Variants in LRRIQ4 observed in about 807,000 individuals in gnomAD.
LRRIQ4 encodes leucine-rich repeat and IQ domain-containing protein 4.
In LRRIQ4, 21 loss-of-function variants were observed where a neutral mutation model predicts 40.1. That is an observed-to-expected ratio of 0.52 (90% CI 0.37 to 0.75). LRRIQ4 has a LOEUF of 0.75. Ranked by LOEUF, LRRIQ4 falls within the 30% of genes least tolerant of loss-of-function variation. The probability of loss-of-function intolerance (pLI) is 0.00; values close to 1 mark genes in which losing one functional copy is unlikely to be tolerated. For missense variants in LRRIQ4, 655 were observed against 660.0 expected, an observed-to-expected ratio of 0.99 and a Z score of 0.08; for synonymous variants, 277 against 277.1, an observed-to-expected ratio of 1.00 and a Z score of 0.00.
chr3:169,827,546 G>T (rs1780067271), intron 2 of LRRIQ4, among the ~76,000 whole-genome samples: 1 of 142,688 alleles, frequency 7.0e-6, no homozygotes, highest in Admixed American at 7.5e-5. Context: ...AGCGGAGCTT[G>T]CAGTGAGCCG....
chr3:169,815,587 A>G (rs1443305048), intron 1 of LRRIQ4, among the ~76,000 whole-genome samples: 1 of 152,192 alleles, frequency 6.6e-6, no homozygotes, highest in African/African-American at 2.4e-5. Flanking sequence ...TCTGCAAACA[A>G]GGATAATTTG....
intron 4 of LRRIQ4, among the ~76,000 whole-genome samples, chr3:169,831,261 CTTTTTTTTTTTTTTTTT>C (rs869088396): frequency 1.5e-4 from 5 of 33,458 alleles, no homozygotes; most frequent in Admixed American, 3.5e-4. Context: ...TATGGCTATT[CTTTTTTTTTTTTTTTTT>C]TTTTTTTTTT....
intron 5 of LRRIQ4, among the ~76,000 whole-genome samples, chr3:169,835,364 C>CTTTGTGTGTGTGTG (rs56344833): frequency 0.021 from 3,025 of 146,470 alleles, 66 homozygotes; most frequent in African/African-American, 0.048. Context: ...TTGTCTTTTT[C>CTTTGTGTGTGTGTG]TGTGTGTGTG....
chr3:169,831,440 ATTTTTTTTTTTTTTTTTTTTTTTTTTTTT>A (rs750864248), intron 4 of LRRIQ4, among the ~76,000 whole-genome samples: 1 of 29,396 alleles, frequency 3.4e-5, no homozygotes, highest in Non-Finnish European at 6.4e-5. Flanking sequence ...CGCCCGGCTA[ATTTTTTTTTTTTTTTTTTTTTTTTTTTTT>A]TTTTTTTTTT....
chr3:169,835,100 C>T (rs527718728), intron 5 of LRRIQ4, among the ~76,000 whole-genome samples: 15 of 152,118 alleles, frequency 9.9e-5, no homozygotes, highest in South Asian at 4.1e-4. Flanking sequence ...ACCTTGTTCA[C>T]GTAGATGAGT....
At chr3:169,822,998 A>C in intron 2 of LRRIQ4, 57 bp downstream of exon 2, 3 of 1,425,262 alleles carry the variant, frequency 2.1e-6, no homozygotes, top group Non-Finnish European at 2.8e-6. Flanking sequence ...TTCCTGCCCT[A>C]AGTTGGTTCT....
intron 1 of LRRIQ4, among the ~76,000 whole-genome samples, 192 bp from the exon 2 acceptor site, chr3:169,821,699 G>T (rs1436962668): frequency 2.0e-5 from 3 of 150,772 alleles, no homozygotes; most frequent in African/African-American, 7.3e-5. Context: ...TTTCATGTGA[G>T]TCTACGTGTT....
intron 2 of LRRIQ4, among the ~76,000 whole-genome samples, chr3:169,826,285 G>C (rs1000953311): frequency 2.6e-5 from 4 of 151,802 alleles, no homozygotes; most frequent in Non-Finnish European, 5.9e-5. Context: ...CCAGCTACTC[G>C]GGAGGTTGAG....
chr3:169,814,235 A>G (rs1779708450), intron 1 of LRRIQ4, among the ~76,000 whole-genome samples: 1 of 151,986 alleles, frequency 6.6e-6, no homozygotes, highest in African/African-American at 2.4e-5. Context: ...ATGGAGTGGA[A>G]AGGTGGTTTT....
Position 169,833,156 on chromosome 3 carries a change from C to A in LRRIQ4, c.1503C>A (p.Asn501Lys), listed in dbSNP as rs760857321. The A allele has an allele frequency of 6.2e-7, 1 of 1,613,092 alleles. No homozygotes were observed. ...CCATATGGAAATACCTCAAGGAAAACAGAAACAGGAATATAATGGCAACAA... is the reference window on the plus strand; with the variant it reads ...CCATATGGAAATACCTCAAGGAAAAAAGAAACAGGAATATAATGGCAACAA... ...NEAIWKYLKE[N>K]RNRNIMATKI... The change falls in exon 5 of 6, where the codon AAC becomes AAA. Residue 501 changes from asparagine (N) to lysine (K), a missense_variant. Transcript: ENST00000340806.
Position 169,837,733 on chromosome 3 carries a change from C to A in LRRIQ4, c.*102C>A. ...TACATTAAAATTATTCATAAAATTA[C>A]ACTTATGTGTAAAAATAAATGATTC... On this transcript the variant is annotated 3_prime_UTR_variant, in exon 6 of 6. Coordinates refer to ENST00000340806, the MANE Select transcript of LRRIQ4 (RefSeq NM_001080460.3). 1.1e-6 allele frequency: 1 copy of A among 886,592 alleles called. No individual in the cohort carries two copies. The highest frequency in any genetic ancestry group is 1.6e-6 in the Non-Finnish European group (1 of 608,496). The allele number at this position is 886,592 out of a possible 1,614,324, so 54.9% of individuals were successfully genotyped here.
chr3:169,830,412 C>CA, intron 3 of LRRIQ4, 80 bp from the exon 4 acceptor site: 1 of 158,392 alleles, frequency 6.3e-6, no homozygotes, highest in Non-Finnish European at 1.1e-5. Flanking sequence ...AAAAAAAATG[C>CA]ATGAGCACCC....
chr3:169,830,724 A>C, intron 4 of LRRIQ4, 94 bp downstream of exon 4: 5 of 1,447,072 alleles, frequency 3.5e-6, no homozygotes, highest in South Asian at 1.3e-5. Context: ...GACCTATCTC[A>C]GTGTTCAGAG....
At position 169,828,788 on chromosome 3, in the gene LRRIQ4, A is replaced by T; in HGVS notation, c.1050A>T (p.Lys350Asn). Residue 350 changes from lysine to asparagine, a missense_variant, in exon 3 of 6, where the codon AAA becomes AAT. Physicochemically the swap from Lys to Asn is moderately conservative, Grantham distance 94 (BLOSUM62 0). Transcript: ENST00000340806. The stretch of plus-strand genomic sequence containing the variant: ...CTTCAGAATTGGGCTCACTTTCAAA[A>T]CTGAAGATACTTGGACTAACAGGAA... ...QLPSELGSLS[K>N]LKILGLTGNE... 1.2e-6 allele frequency: 2 copies of T among 1,613,072 alleles called. No homozygotes were observed. The highest frequency in any genetic ancestry group is 1.7e-6 in the Non-Finnish European group (2 of 1,179,716).
chr3:169,819,899 A>C (rs956438092), intron 1 of LRRIQ4, among the ~76,000 whole-genome samples: 1 of 152,206 alleles, frequency 6.6e-6, no homozygotes, highest in Admixed American at 6.5e-5. Context: ...TATTAGATAA[A>C]TTTAATCTGC....
intron 2 of LRRIQ4, among the ~76,000 whole-genome samples, chr3:169,826,341 A>C (rs966818062): frequency 2.0e-5 from 3 of 151,834 alleles, no homozygotes; most frequent in African/African-American, 4.8e-5. Flanking sequence ...GCAATGAGCC[A>C]AGATTGTACC....
At chr3:169,834,020 A>C (rs748144729) in intron 5 of LRRIQ4, among the ~76,000 whole-genome samples, 2 of 152,254 alleles carry the variant, frequency 1.3e-5, no homozygotes, top group Non-Finnish European at 2.9e-5. Flanking sequence ...AATCAAAATA[A>C]CGCCTGAGTT....
intron 5 of LRRIQ4, among the ~76,000 whole-genome samples, chr3:169,836,030 T>C (rs1440648584): frequency 6.6e-6 from 1 of 152,208 alleles, no homozygotes; most frequent in Admixed American, 6.5e-5. Context: ...ATTGAGCTTC[T>C]ACTATGCACC....
In LRRIQ4 at chr3:169,837,724, A is replaced by G. The variant is rs1034315535; in HGVS notation, c.*93A>G. 5.2e-6 allele frequency: 5 copies of G among 959,924 alleles called. No individual in the cohort carries two copies. Among genetic ancestry groups the G allele is most frequent in the Non-Finnish European group, 7.5e-6 (5 of 669,556 alleles). 59.5% of individuals were successfully genotyped at this position (959,924 alleles called of 1,614,324 possible). A position where few individuals can be genotyped will look rare whatever the true frequency, so the allele number is the denominator to read the frequency against. The stretch of plus-strand genomic sequence containing the variant: ...GATGCCTACTACATTAAAATTATTC[A>G]TAAAATTACACTTATGTGTAAAAAT... On this transcript the variant is annotated 3_prime_UTR_variant, in exon 6 of 6. Coordinates refer to ENST00000340806, the MANE Select transcript of LRRIQ4 (RefSeq NM_001080460.3).
Sources: allele counts gnomAD v4.1 joint callset (sites outside exome capture counted in the v4.1 genomes callset), GRCh38; gene constraint gnomAD v4.1.1; transcripts MANE v1.5; gene names NCBI Gene and HGNC (gene_info 2026-07-23, HGNC 2026-07-21).